The following PTPRD variants were observed in gnomAD, a reference collection of about 807,000 sequenced individuals.
PTPRD encodes the protein protein tyrosine phosphatase receptor type D.
A neutral mutation model predicts 214.5 loss-of-function variants in PTPRD; 34 were observed. The observed-to-expected ratio is 0.16, with a 90% CI of 0.12 to 0.21. PTPRD has a LOEUF of 0.21. Among genes scored for constraint, PTPRD ranks in the 10% least tolerant of loss-of-function variants. The pLI, the probability that PTPRD is intolerant of heterozygous loss-of-function variation, is 1.00. For missense variants in PTPRD, 2,545 were observed against 2,398.7 expected, an observed-to-expected ratio of 1.06 and a Z score of -1.27; for synonymous variants, 1,128 against 845.7, an observed-to-expected ratio of 1.33 and a Z score of -5.79.
chr9:10,297,562 A>T (rs1357183150), intron 3 of PTPRD, among the ~76,000 whole-genome samples: 1 of 146,022 alleles, frequency 6.8e-6, no homozygotes, highest in Admixed American at 6.9e-5. Context: ...GAGATGGCAC[A>T]TCTCTGTAAT....
chr9:9,857,434 C>T (rs1363290659), intron 5 of PTPRD, among the ~76,000 whole-genome samples: 3 of 152,102 alleles, frequency 2.0e-5, no homozygotes, highest in Non-Finnish European at 2.9e-5. Flanking sequence ...TATCTCTTTC[C>T]CAGGCCTAGG....
intron 12 of PTPRD, among the ~76,000 whole-genome samples, chr9:8,673,327 C>T (rs2154365415): frequency 6.6e-6 from 1 of 152,290 alleles, no homozygotes; most frequent in East Asian, 1.9e-4. Context: ...TTTCCCCATC[C>T]TAAGCTTGAG....
chr9:10,426,270 A>C (rs1226392271), intron 2 of PTPRD, among the ~76,000 whole-genome samples: 3 of 152,048 alleles, frequency 2.0e-5, no homozygotes, highest in African/African-American at 7.2e-5. Flanking sequence ...AGTTTAAGTT[A>C]ATCAATTCTC....
chr9:9,931,359 G>T (rs1168556827), intron 5 of PTPRD, among the ~76,000 whole-genome samples: 1 of 152,162 alleles, frequency 6.6e-6, no homozygotes, highest in Non-Finnish European at 1.5e-5. Context: ...GCGCAGGTCA[G>T]TGGGTGCGTG....
intron 3 of PTPRD, among the ~76,000 whole-genome samples, chr9:10,060,086 T>C (rs948076412): frequency 3.9e-5 from 6 of 152,154 alleles, no homozygotes; most frequent in African/African-American, 7.2e-5. Flanking sequence ...ATTCAAAGAA[T>C]ATAAGGAGGT....
chr9:9,658,132 A>T (rs2096556376), intron 7 of PTPRD, among the ~76,000 whole-genome samples: 1 of 152,178 alleles, frequency 6.6e-6, no homozygotes, highest in Non-Finnish European at 1.5e-5. Context: ...GAGTAATGTC[A>T]GCATTATCTA....
chr9:10,310,998 T>C (rs1403637582), intron 3 of PTPRD, among the ~76,000 whole-genome samples: 4 of 152,184 alleles, frequency 2.6e-5, no homozygotes, highest in East Asian at 3.9e-4. Flanking sequence ...ACCAATTTGA[T>C]TGCAAACTTC....
intron 8 of PTPRD, among the ~76,000 whole-genome samples, chr9:9,438,708 T>G (rs2144123831): frequency 6.6e-6 from 1 of 152,276 alleles, no homozygotes; most frequent in South Asian, 2.1e-4. Flanking sequence ...AACATTATCT[T>G]TACAGTTCTT....
chr9:9,348,933 T>C (rs2050005457), intron 9 of PTPRD, among the ~76,000 whole-genome samples: 1 of 152,144 alleles, frequency 6.6e-6, no homozygotes, highest in South Asian at 2.1e-4. Flanking sequence ...TTTTAATTAA[T>C]TCAGGAGACT....
chr9:8,793,992 G>C (rs1011928103), intron 11 of PTPRD, among the ~76,000 whole-genome samples: 1 of 152,160 alleles, frequency 6.6e-6, no homozygotes, highest in Non-Finnish European at 1.5e-5. Flanking sequence ...GCACAGCTGT[G>C]ATATTGATAT....
intron 2 of PTPRD, among the ~76,000 whole-genome samples, chr9:10,517,687 T>G (rs944595116): frequency 3.3e-5 from 5 of 152,104 alleles, no homozygotes. Flanking sequence ...CTCTCATTTG[T>G]GTATAATGTT....
intron 2 of PTPRD, among the ~76,000 whole-genome samples, chr9:10,517,717 G>A (rs1589907853): frequency 1.3e-5 from 2 of 152,138 alleles, no homozygotes; most frequent in East Asian, 1.9e-4. Flanking sequence ...ACTGGTGAGA[G>A]TACAATGTAC....
At chr9:9,814,914 C>T (rs2048292578) in intron 5 of PTPRD, among the ~76,000 whole-genome samples, 1 of 151,294 alleles carries the variant, frequency 6.6e-6, no homozygotes, top group Non-Finnish European at 1.5e-5. Context: ...ATCCTTTCAC[C>T]TCAGCCTCTT....
intron 7 of PTPRD, among the ~76,000 whole-genome samples, chr9:9,595,014 T>C (rs760971243): frequency 6.6e-6 from 1 of 151,914 alleles, no homozygotes; most frequent in Non-Finnish European, 1.5e-5. Flanking sequence ...ATTAGGGGAA[T>C]GCAAATCAAA....
intron 3 of PTPRD, among the ~76,000 whole-genome samples, chr9:10,084,667 T>A (rs1048064267): frequency 8.7e-6 from 1 of 114,594 alleles, no homozygotes; most frequent in Admixed American, 7.6e-5. Context: ...TTAAATAATA[T>A]TTTTTTTTAG....
chr9:9,046,500 A>G (rs1005433482), intron 10 of PTPRD, among the ~76,000 whole-genome samples: 7 of 152,208 alleles, frequency 4.6e-5, no homozygotes, highest in African/African-American at 1.7e-4. Context: ...TCTACACTCC[A>G]AATAGTTTAA....
chr9:9,473,180 A>G (rs940387338), intron 8 of PTPRD, among the ~76,000 whole-genome samples: 1 of 152,160 alleles, frequency 6.6e-6, no homozygotes. Context: ...CTGAGAGATG[A>G]TTTTTAGTTC....
At chr9:8,780,618 G>A (rs2095656754) in intron 11 of PTPRD, among the ~76,000 whole-genome samples, 1 of 152,182 alleles carries the variant, frequency 6.6e-6, no homozygotes, top group African/African-American at 2.4e-5. Flanking sequence ...CAACCCCAGA[G>A]CCAGGCTCTC....
At chr9:10,098,008 A>G (rs1463174730) in intron 3 of PTPRD, among the ~76,000 whole-genome samples, 3 of 151,830 alleles carry the variant, frequency 2.0e-5, no homozygotes, top group Non-Finnish European at 4.4e-5. Context: ...TACCCAAAGG[A>G]TTATAAATCA....
Sources: gnomAD v4.1 joint callset for allele counts (sites outside exome capture counted in the v4.1 genomes callset) on GRCh38, gnomAD v4.1.1 for gene constraint, MANE v1.5 for transcripts, NCBI Gene and HGNC (gene_info 2026-07-23, HGNC 2026-07-21) for gene names.